The following COG5 variants were observed in gnomAD, a reference collection of about 807,000 sequenced individuals.
COG5 encodes the protein conserved oligomeric Golgi complex subunit 5.
COG5 carries 86 observed loss-of-function variants against 110.4 expected under a neutral mutation model. The observed-to-expected ratio is 0.78, with a 90% CI of 0.65 to 0.93. COG5 has a LOEUF of 0.93. Among genes scored for constraint, COG5 ranks in the 40% least tolerant of loss-of-function variants. The pLI is 0.00. For missense variants in COG5, 1,077 were observed against 987.0 expected (o/e 1.09, Z -1.22); for synonymous variants, 360 against 334.6 (o/e 1.08, Z -0.83).
At chr7:107,217,734 G>A (rs971212372) in intron 19 of COG5, among the ~76,000 whole-genome samples, 1 of 151,954 alleles carries the variant, frequency 6.6e-6, no homozygotes, top group Non-Finnish European at 1.5e-5. Flanking sequence ...GGCCACATAC[G>A]ATAAGCCTAC....
chr7:107,505,350 T>C (rs918424017), intron 6 of COG5, among the ~76,000 whole-genome samples: 2 of 152,178 alleles, frequency 1.3e-5, no homozygotes, highest in African/African-American at 2.4e-5. Flanking sequence ...AGGGAGGGAC[T>C]GGAGCCACCT....
Position 107,527,597 on chromosome 7 carries a change from C to CT in COG5, c.418-241dup, listed in dbSNP as rs560660379. Among the ~76,000 whole-genome samples the CT allele has an allele frequency of 1.2e-3, 189 of 152,170 alleles. 2 individuals are homozygous for CT. Among genetic ancestry groups the CT allele is most frequent in the African/African-American group, 4.3e-3 (180 of 41,472 alleles). The stretch of plus-strand genomic sequence containing the variant: ...TCCAGATGCTAAAGATTCACTCATG[C>CT]TTTTTTTGTTTCCCACCAACCACAA... On this transcript the variant is annotated intron_variant, in intron 5 of 21. Transcript: ENST00000297135.
intron 19 of COG5, among the ~76,000 whole-genome samples, chr7:107,214,203 T>C (rs779266571): frequency 6.6e-6 from 1 of 152,024 alleles, no homozygotes; most frequent in Non-Finnish European, 1.5e-5. Flanking sequence ...CCAAGACACA[T>C]AATAAACTGT....
intron 16 of COG5, among the ~76,000 whole-genome samples, chr7:107,249,598 A>C (rs1413909862): frequency 6.6e-6 from 1 of 152,106 alleles, no homozygotes; most frequent in Admixed American, 6.6e-5. Flanking sequence ...ATCAAAATCA[A>C]TGAGCAAAGG....
intron 10 of COG5, among the ~76,000 whole-genome samples, chr7:107,338,246 A>G (rs183951958): frequency 7.1e-4 from 108 of 152,270 alleles, no homozygotes; most frequent in African/African-American, 2.6e-3. Context: ...ACTTCAAAAT[A>G]TATTACAAAG....
At chr7:107,359,590 A>G (rs1314926594) in intron 10 of COG5, among the ~76,000 whole-genome samples, 1 of 152,070 alleles carries the variant, frequency 6.6e-6, no homozygotes, top group African/African-American at 2.4e-5. Flanking sequence ...TGGAGTGACA[A>G]GTTATGGTGC....
At chr7:107,348,347 G>T (rs1207954423) in intron 10 of COG5, among the ~76,000 whole-genome samples, 6 of 151,886 alleles carry the variant, frequency 4.0e-5, no homozygotes, top group African/African-American at 1.5e-4. Flanking sequence ...TTGGGCAAGG[G>T]GTCTTCTCTA....
intron 11 of COG5, among the ~76,000 whole-genome samples, chr7:107,299,086 T>C (rs2116921511): frequency 6.6e-6 from 1 of 151,996 alleles, no homozygotes; most frequent in Admixed American, 6.6e-5. Flanking sequence ...AGAAGAAAAG[T>C]TTCAAATCAA....
intron 7 of COG5, among the ~76,000 whole-genome samples, chr7:107,383,655 C>T (rs1017433423): frequency 6.6e-6 from 1 of 152,146 alleles, no homozygotes; most frequent in African/African-American, 2.4e-5. Flanking sequence ...CCCTCACGTA[C>T]CCCAGGTATC....
chr7:107,365,167 T>G (rs75034610), intron 8 of COG5, among the ~76,000 whole-genome samples: 2,864 of 152,196 alleles, frequency 0.019, 88 homozygotes, highest in African/African-American at 0.064. Flanking sequence ...TTAGCTTTAA[T>G]AGACTCAAGA....
intron 10 of COG5, among the ~76,000 whole-genome samples, chr7:107,342,629 G>A (rs559595002): frequency 6.6e-6 from 1 of 152,108 alleles, no homozygotes; most frequent in Non-Finnish European, 1.5e-5. Flanking sequence ...AGTAAGCCAA[G>A]ATCACGCCAC....
intron 19 of COG5, 130 bp from the exon 20 acceptor site, chr7:107,211,355 A>G: frequency 9.9e-7 from 1 of 1,010,868 alleles, no homozygotes; most frequent in Non-Finnish European, 1.5e-6. Context: ...CCACTGCTTA[A>G]CCACTCTATT....
intron 7 of COG5, among the ~76,000 whole-genome samples, chr7:107,389,753 C>T (rs1434402669): frequency 2.0e-5 from 3 of 152,190 alleles, no homozygotes; most frequent in African/African-American, 4.8e-5. Context: ...TGATTTGGGC[C>T]GATGGGGGGA....
Position 107,415,832 on chromosome 7 carries a change from GTA to G in COG5, c.539-3202_539-3201del, listed in dbSNP as rs1468014160. ...TATATACACACATACACGTATGTAT[GTA>G]TGTGTGTGTATATATACACACACAT... On this transcript the variant is annotated intron_variant, in intron 6 of 21. Transcript: ENST00000297135. Among the ~76,000 whole-genome samples the G allele has an allele frequency of 7.2e-3, 584 of 81,228 alleles. 68 individuals are homozygous for G. The highest frequency in any genetic ancestry group is 0.023 in the African/African-American group (473 of 20,926). 53.3% of individuals were successfully genotyped at this position (81,228 alleles called of 152,430 possible). A position where few individuals can be genotyped will look rare whatever the true frequency, so the allele number is the denominator to read the frequency against.
chr7:107,500,809 A>T (rs994771217), intron 6 of COG5, among the ~76,000 whole-genome samples: 1 of 152,116 alleles, frequency 6.6e-6, no homozygotes, highest in Non-Finnish European at 1.5e-5. Flanking sequence ...AAAACAAATG[A>T]ATAAAACTGC....
At chr7:107,287,388 A>G (rs1030253548) in intron 12 of COG5, among the ~76,000 whole-genome samples, 1 of 152,094 alleles carries the variant, frequency 6.6e-6, no homozygotes, top group Admixed American at 6.6e-5. Context: ...ATCATGTGTG[A>G]CAGCTCTCCC....
intron 18 of COG5, among the ~76,000 whole-genome samples, chr7:107,235,087 T>C (rs188826560): frequency 6.6e-6 from 1 of 152,212 alleles, no homozygotes; most frequent in African/African-American, 2.4e-5. Flanking sequence ...TATTTGGAGA[T>C]GAAAATGACT....
chr7:107,378,880 C>G (rs1240562850), intron 7 of COG5, among the ~76,000 whole-genome samples: 1 of 152,200 alleles, frequency 6.6e-6, no homozygotes, highest in African/African-American at 2.4e-5. Flanking sequence ...CTTCCCCAAC[C>G]TAGCAAGACA....
intron 6 of COG5, among the ~76,000 whole-genome samples, chr7:107,521,973 A>T (rs1485382022): frequency 2.6e-5 from 4 of 152,182 alleles, no homozygotes; most frequent in Non-Finnish European, 5.9e-5. Context: ...CTTGGCAGGG[A>T]CATGGATGAA....
Sources: allele counts gnomAD v4.1 joint callset (sites outside exome capture counted in the v4.1 genomes callset), GRCh38; gene constraint gnomAD v4.1.1; transcripts MANE v1.5; gene names NCBI Gene and HGNC (gene_info 2026-07-23, HGNC 2026-07-21).